The following CDK14 variants were observed in gnomAD, a reference collection of about 807,000 sequenced individuals.
CDK14 encodes cyclin dependent kinase 14, also known as cyclin-dependent kinase 14.
In CDK14, 34 loss-of-function variants were observed where a neutral mutation model predicts 60.7. That is an observed-to-expected ratio of 0.56 (90% CI 0.43 to 0.75). The LOEUF is 0.75. CDK14 is among the 30% of genes least tolerant of loss of function. CDK14 has a pLI of 0.00. For missense variants in CDK14, 482 were observed against 564.1 expected (o/e 0.85, Z 1.47); for synonymous variants, 197 against 203.7 (o/e 0.97, Z 0.28).
rs1798981475 is a variant in CDK14, at chr7:91,096,081, A to AAG, written c.1155-16460_1155-16459insGA. On this transcript the variant is annotated intron_variant, in intron 12 of 14. Transcript: ENST00000380050. The stretch of plus-strand genomic sequence containing the variant: ...ACAATTTGCCAAAAAAAAAAAAAAA[A>AAG]AAAAAAACAGTTATCTTCTATAATC... Among the ~76,000 whole-genome samples the AAG allele has an allele frequency of 2.0e-5, 3 of 150,784 alleles. No individual in the cohort carries two copies. In the South Asian group the frequency reaches 6.3e-4, roughly 31 times the overall value.
rs1802765650 is a variant in CDK14, at chr7:90,729,350, T to TTTTTTTTTG, written c.369+2546_369+2547insGTTTTTTTT. On this transcript the variant is annotated intron_variant, in intron 3 of 14. Transcript: ENST00000380050. Reference sequence around the variant, plus strand: ...GGATCATGTAGGTATCAAGGTTTTTTTTTTTTTTTTTTTTTTTTTTTCCCC... The same window carrying TTTTTTTTTG: ...GGATCATGTAGGTATCAAGGTTTTTTTTTTTTTTGTTTTTTTTTTTTTTTTTTTTTCCCC... 1.0e-4 allele frequency among the ~76,000 whole-genome samples: 12 copies of TTTTTTTTTG among 120,358 alleles called. 1 individual carries two copies. Among genetic ancestry groups the TTTTTTTTTG allele is most frequent in the African/African-American group, 4.2e-4 (12 of 28,902 alleles). The allele number at this position is 120,358 out of a possible 152,430, so 79.0% of individuals were successfully genotyped here. A position where few individuals can be genotyped will look rare whatever the true frequency, so the allele number is the denominator to read the frequency against.
Position 90,962,459 on chromosome 7 carries a change from C to G in CDK14, c.947+6642C>G, listed in dbSNP as rs1196769352. 2.0e-5 allele frequency among the ~76,000 whole-genome samples: 3 copies of G among 151,862 alleles called. No individual in the cohort carries two copies. In the East Asian group the frequency reaches 5.8e-4, roughly 29 times the overall value. Reference sequence around the variant, plus strand: ...TGAGATCGCACCATCGCACTCCAGCCTGGGTGACAGAGTGAGACTCCGTCT... The same window carrying G: ...TGAGATCGCACCATCGCACTCCAGCGTGGGTGACAGAGTGAGACTCCGTCT... On this transcript the variant is annotated intron_variant, in intron 9 of 14. Transcript: ENST00000380050.
intron 8 of CDK14, among the ~76,000 whole-genome samples, chr7:90,945,540 T>G (rs1385773674): frequency 2.6e-5 from 4 of 152,202 alleles, no homozygotes; most frequent in Non-Finnish European, 5.9e-5. Context: ...AGCTGTAGCC[T>G]TCTAAGGAAT....
chr7:91,030,715 G>A (rs1796737141), intron 10 of CDK14, among the ~76,000 whole-genome samples: 1 of 152,210 alleles, frequency 6.6e-6, no homozygotes, highest in South Asian at 2.1e-4. Flanking sequence ...TGCTAAAAAT[G>A]CAGAGGAAAC....
intron 2 of CDK14, chr7:90,709,866 G>T: frequency 7.3e-7 from 1 of 1,367,844 alleles, no homozygotes; most frequent in Non-Finnish European, 9.5e-7. Flanking sequence ...GAATTCAGTT[G>T]CTGTATGAGC....
chr7:90,875,628 G>T (rs1253182234), intron 6 of CDK14, among the ~76,000 whole-genome samples: 3 of 151,538 alleles, frequency 2.0e-5, no homozygotes, highest in African/African-American at 4.9e-5. Flanking sequence ...GTATTTACTT[G>T]TATTCAAGAA....
At chr7:91,031,183 C>T (rs1033773873) in intron 10 of CDK14, among the ~76,000 whole-genome samples, 5 of 152,064 alleles carry the variant, frequency 3.3e-5, no homozygotes, top group Middle Eastern at 3.2e-3. Flanking sequence ...ATTTTAGGTG[C>T]CAATATTTTG....
intron 1 of CDK14, among the ~76,000 whole-genome samples, chr7:90,600,107 C>A (rs1799284055): frequency 6.6e-6 from 1 of 152,066 alleles, no homozygotes; most frequent in African/African-American, 2.4e-5. Context: ...AGTTATGGTT[C>A]TTTTATAAGA....
chr7:90,817,749 C>A (rs557803895), intron 5 of CDK14, among the ~76,000 whole-genome samples: 154 of 152,242 alleles, frequency 1.0e-3, no homozygotes, highest in Admixed American at 1.8e-3. Flanking sequence ...TTCTAAATGC[C>A]TTTGATTAAA....
At chr7:90,932,558 C>G (rs556808187) in intron 8 of CDK14, among the ~76,000 whole-genome samples, 1 of 152,108 alleles carries the variant, frequency 6.6e-6, no homozygotes, top group Non-Finnish European at 1.5e-5. Flanking sequence ...CATTACATCT[C>G]CCAGATTTAC....
At chr7:91,062,032 C>T (rs891717465) in intron 11 of CDK14, among the ~76,000 whole-genome samples, 1 of 152,242 alleles carries the variant, frequency 6.6e-6, no homozygotes, top group Non-Finnish European at 1.5e-5. Flanking sequence ...CCTCCTTGAG[C>T]TGCGATGGGC....
In CDK14 at chr7:91,046,544, C is replaced by T. The variant is rs181262896; in HGVS notation, c.1105+584C>T. 2.6e-5 allele frequency among the ~76,000 whole-genome samples: 4 copies of T among 151,938 alleles called. No homozygotes were observed. The East Asian group carries it at 7.7e-4, about 29-fold the overall frequency. ...TTTTTTTTCACCAGTAGGTGTCAGG[C>T]GTGAAACTTTGTTTTAATAATTACA... On this transcript the variant is annotated intron_variant, in intron 11 of 14. Transcript: ENST00000380050.
At chr7:90,942,874 A>T (rs993935184) in intron 8 of CDK14, among the ~76,000 whole-genome samples, 14 of 152,244 alleles carry the variant, frequency 9.2e-5, no homozygotes. Context: ...GATTTTTCCA[A>T]GAATAAAGAA....
chr7:90,917,353 ATC>A (rs1793113205), intron 7 of CDK14, among the ~76,000 whole-genome samples: 1 of 152,182 alleles, frequency 6.6e-6, no homozygotes. Flanking sequence ...TGGAGTACAG[ATC>A]TCTCTGGCTG....
intron 12 of CDK14, among the ~76,000 whole-genome samples, chr7:91,085,421 C>T (rs1673861257): frequency 6.6e-6 from 1 of 152,212 alleles, no homozygotes; most frequent in South Asian, 2.1e-4. Context: ...GACTTCCTGT[C>T]TGCCCCATTT....
intron 6 of CDK14, among the ~76,000 whole-genome samples, chr7:90,887,914 T>C (rs533778166): frequency 5.9e-5 from 9 of 152,236 alleles, no homozygotes; most frequent in Non-Finnish European, 8.8e-5. Context: ...TTTATTCATC[T>C]TTATACATTT....
At chr7:90,765,248 A>T (rs375945122) in intron 4 of CDK14, among the ~76,000 whole-genome samples, 4 of 152,256 alleles carry the variant, frequency 2.6e-5, no homozygotes, top group East Asian at 1.9e-4. Context: ...TTTATTAAAA[A>T]AAGTTATTTT....
At chr7:90,861,712 CCTT>C (rs1335548270) in intron 5 of CDK14, among the ~76,000 whole-genome samples, 5 of 152,196 alleles carry the variant, frequency 3.3e-5, no homozygotes, top group African/African-American at 9.6e-5. Context: ...CAACCCAAAC[CCTT>C]CTTCTTTCGT....
chr7:91,178,249 GC>G (rs1801848905), intron 14 of CDK14, among the ~76,000 whole-genome samples: 1 of 99,560 alleles, frequency 1.0e-5, no homozygotes, highest in Non-Finnish European at 2.2e-5. Context: ...GGGAAAACTG[GC>G]TAGCCATATG....
Sources: gnomAD v4.1 joint callset for allele counts (sites outside exome capture counted in the v4.1 genomes callset) on GRCh38, gnomAD v4.1.1 for gene constraint, MANE v1.5 for transcripts, NCBI Gene and HGNC (gene_info 2026-07-23, HGNC 2026-07-21) for gene names.